PLPP4: variants seen among roughly 807,000 people sequenced by gnomAD.
PLPP4 encodes diacylglycerol pyrophosphate like 2.
Under a neutral mutation model 32.2 loss-of-function variants are expected in PLPP4, and 20 were observed. The ratio of observed to expected loss-of-function variants is 0.62; its 90% CI spans 0.44 to 0.90. PLPP4 has a LOEUF of 0.90. PLPP4 is among the 40% of genes least tolerant of loss of function. The pLI is 0.00. For missense variants in PLPP4, 257 were observed against 353.1 expected (o/e 0.73, Z 2.18); for synonymous variants, 127 against 133.0 (o/e 0.95, Z 0.31).
At chr10:120,462,772 C>CTG (rs200137630) in intron 1 of PLPP4, among the ~76,000 whole-genome samples, 8,708 of 152,182 alleles carry the variant, frequency 0.057, 374 homozygotes, top group South Asian at 0.12. Flanking sequence ...AACAGGGGCT[C>CTG]CTTCCATCCG....
At chr10:120,466,666 A>G (rs550649169) in intron 1 of PLPP4, among the ~76,000 whole-genome samples, 5 of 152,256 alleles carry the variant, frequency 3.3e-5, no homozygotes, top group African/African-American at 9.6e-5. Flanking sequence ...TCCCAGTTTT[A>G]TAGGTCAAAA....
chr10:120,587,267 A>T (rs935916932), intron 6 of PLPP4: 1 of 152,176 alleles, frequency 6.6e-6, no homozygotes, highest in Non-Finnish European at 1.5e-5. Context: ...AGCAGTGGGA[A>T]GGAGTCAGCC....
At chr10:120,472,190 G>C (rs1006788324) in intron 1 of PLPP4, among the ~76,000 whole-genome samples, 3 of 151,956 alleles carry the variant, frequency 2.0e-5, no homozygotes, top group Non-Finnish European at 4.4e-5. Flanking sequence ...TATCAGTTCG[G>C]TTAGATTTGG....
chr10:120,506,592 G>GT (rs1845500384), intron 2 of PLPP4, among the ~76,000 whole-genome samples: 1 of 152,140 alleles, frequency 6.6e-6, no homozygotes, highest in African/African-American at 2.4e-5. Context: ...TTACCAAGGT[G>GT]TTTTTTAAAG....
chr10:120,591,445 G>C lies in PLPP4; in HGVS notation c.*1943G>C, dbSNP rs970045287. Among the ~76,000 whole-genome samples the C allele has an allele frequency of 6.6e-6, 1 of 152,080 alleles. No homozygotes were observed. The highest frequency in any genetic ancestry group is 6.5e-5 in the Admixed American group (1 of 15,272). ...CAAGCAACTTTGAAGATGAATGTGA[G>C]ATATTTTAAGAGATAAATCATAGCA... On this transcript the variant is annotated 3_prime_UTR_variant, in exon 7 of 7. Transcript: ENST00000398250.
intron 2 of PLPP4, among the ~76,000 whole-genome samples, chr10:120,511,090 G>A (rs77074023): frequency 6.6e-6 from 1 of 152,212 alleles, no homozygotes; most frequent in South Asian, 2.1e-4. Flanking sequence ...TCCTAGAAAA[G>A]ATACCAATAT....
chr10:120,481,461 T>G (rs1564786179), intron 1 of PLPP4, among the ~76,000 whole-genome samples: 1 of 152,182 alleles, frequency 6.6e-6, no homozygotes, highest in Non-Finnish European at 1.5e-5. Flanking sequence ...GAGTTGTCCA[T>G]TCACTGCAAA....
chr10:120,589,564 A>T lies in PLPP4; in HGVS notation c.*62A>T. On this transcript the variant is annotated 3_prime_UTR_variant, in exon 7 of 7. Transcript: ENST00000398250. ...ACATCTGCCACCCTGACATCATAAC[A>T]CAATAGAAATGGTTTTCTGTAGTGT... The T allele has an allele frequency of 1.5e-6, 2 of 1,296,478 alleles. No homozygotes were observed. The highest frequency in any genetic ancestry group is 2.7e-5 in the South Asian group (2 of 75,142). 80.3% of individuals were successfully genotyped at this position (1,296,478 alleles called of 1,614,324 possible).
intron 6 of PLPP4, chr10:120,580,911 A>G (rs1183308855): frequency 1.6e-6 from 2 of 1,289,318 alleles, no homozygotes; most frequent in Non-Finnish European, 1.0e-6. Flanking sequence ...GCTGCTGTGT[A>G]TGGCAGGGCC....
Position 120,560,047 on chromosome 10 carries a change from A to G in PLPP4, c.446-15084A>G, listed in dbSNP as rs143040084. Among the ~76,000 whole-genome samples the G allele has an allele frequency of 4.6e-3, 698 of 152,378 alleles. 12 individuals are homozygous for G. The highest frequency in any genetic ancestry group is 0.016 in the African/African-American group (656 of 41,592). On this transcript the variant is annotated intron_variant, in intron 5 of 6. Coordinates refer to ENST00000398250, the MANE Select transcript of PLPP4 (RefSeq NM_001030059.3). ...TGGCGCTGATCACCTTCACGTGAGC[A>G]GTTCGTGTCTCCACGAAATTGGCGG...
At chr10:120,510,377 T>C (rs1845676065) in intron 2 of PLPP4, among the ~76,000 whole-genome samples, 1 of 152,140 alleles carries the variant, frequency 6.6e-6, no homozygotes, top group Non-Finnish European at 1.5e-5. Context: ...TTCCTAGGAT[T>C]TGATTCTTTT....
chr10:120,495,258 G>C (rs1844908975), intron 1 of PLPP4, among the ~76,000 whole-genome samples: 1 of 152,168 alleles, frequency 6.6e-6, no homozygotes, highest in South Asian at 2.1e-4. Flanking sequence ...AACTAACTAT[G>C]ATTATTATTC....
intron 1 of PLPP4, among the ~76,000 whole-genome samples, chr10:120,478,501 G>A (rs2133810621): frequency 6.6e-6 from 1 of 152,294 alleles, no homozygotes; most frequent in Middle Eastern, 3.4e-3. Context: ...GCTTGATGTA[G>A]GAAACTTATA....
Position 120,537,591 on chromosome 10 carries a change from T to A in PLPP4, c.445+16496T>A, listed in dbSNP as rs184987547. ...GGTCAAAGTGTACAAACTTATAAGA[T>A]GAATAAATTCTGAAAACCTAATGTA... On this transcript the variant is annotated intron_variant, in intron 5 of 6. Coordinates refer to ENST00000398250, the MANE Select transcript of PLPP4 (RefSeq NM_001030059.3). Among the ~76,000 whole-genome samples the A allele has an allele frequency of 1.1e-4, 16 of 152,290 alleles. No individual in the cohort carries two copies. The East Asian group carries it at 2.7e-3, about 26-fold the overall frequency.
At chr10:120,560,951 C>T (rs1242032069) in intron 5 of PLPP4, among the ~76,000 whole-genome samples, 2 of 151,866 alleles carry the variant, frequency 1.3e-5, no homozygotes, top group African/African-American at 4.9e-5. Flanking sequence ...CATGGGGTGT[C>T]GGTGCCCCTA....
chr10:120,506,063 A>C (rs562106945), intron 2 of PLPP4, among the ~76,000 whole-genome samples: 1 of 152,256 alleles, frequency 6.6e-6, no homozygotes, highest in African/African-American at 2.4e-5. Flanking sequence ...CGTAAATACG[A>C]TGGAGCAATT....
At chr10:120,573,296 A>T (rs1050017534) in intron 5 of PLPP4, among the ~76,000 whole-genome samples, 6 of 152,058 alleles carry the variant, frequency 3.9e-5, no homozygotes, top group South Asian at 4.2e-4. Context: ...TTCCATTAAA[A>T]TTTTTTTTTA....
chr10:120,520,854 T>A, intron 4 of PLPP4, 117 bp from the exon 5 acceptor site: 1 of 1,278,678 alleles, frequency 7.8e-7, no homozygotes, highest in Middle Eastern at 2.2e-4. Flanking sequence ...GCTCCAGTGT[T>A]GACAGCCAAG....
chr10:120,485,742 GA>G (rs1333461425), intron 1 of PLPP4, among the ~76,000 whole-genome samples: 1 of 152,210 alleles, frequency 6.6e-6, no homozygotes, highest in African/African-American at 2.4e-5. Context: ...AAAAGAACAA[GA>G]AAAGCAAAAA....
Sources: allele counts gnomAD v4.1 joint callset (sites outside exome capture counted in the v4.1 genomes callset), GRCh38; gene constraint gnomAD v4.1.1; transcripts MANE v1.5; gene names NCBI Gene and HGNC (gene_info 2026-07-23, HGNC 2026-07-21).